The following USHBP1 variants were observed in gnomAD, a reference collection of about 807,000 sequenced individuals.
The protein encoded by USHBP1 is harmonin-binding protein USHBP1.
A neutral mutation model predicts 76.2 loss-of-function variants in USHBP1; 67 were observed. The observed-to-expected ratio is 0.88, with a 90% confidence interval of 0.72 to 1.08. The LOEUF is 1.08. USHBP1 is among the 50% of genes least tolerant of loss of function. The probability of loss-of-function intolerance (pLI) is 0.00; values close to 1 mark genes in which losing one functional copy is unlikely to be tolerated. For missense variants in USHBP1, 931 were observed against 915.0 expected (o/e 1.02, Z -0.23); for synonymous variants, 322 against 362.2 (o/e 0.89, Z 1.26).
Position 17,251,695 on chromosome 19 carries a change from G to C in USHBP1, c.1809C>G (p.Asp603Glu). Residue 603 changes from aspartate (D) to glutamate (E), a missense_variant, in exon 12 of 13, where the codon GAC (aspartate) becomes GAG (glutamate). Transcript: ENST00000252597. ...GCAGAGACTGCAGCTGCTCCTGCAG[G>C]TCCAGTGTCCTGTTGCGAAGGAGAA... is the stretch of plus-strand genomic sequence containing the variant. ...ELAASLTRTL[D>E]LQEQLQSLRR... 1 of 1,613,306 alleles carries C rather than the reference G, an allele frequency of 6.2e-7. No homozygotes were observed. The highest frequency in any genetic ancestry group is 8.5e-7 in the Non-Finnish European group (1 of 1,180,004).
Position 17,254,110 on chromosome 19 carries a change from G to A in USHBP1, c.1692+1275C>T, listed in dbSNP as rs193142342. 8.2e-3 allele frequency among the ~76,000 whole-genome samples: 1,254 copies of A among 152,192 alleles called. 13 individuals are homozygous for A. Among genetic ancestry groups the A allele is most frequent in the African/African-American group, 0.029 (1,194 of 41,522 alleles). Reference sequence around the variant, plus strand: ...TGTAATCCCAGCACTTTGGGAGGCTGAGGCAGGTGGATCACAAGGTCAGGA... The same window carrying A: ...TGTAATCCCAGCACTTTGGGAGGCTAAGGCAGGTGGATCACAAGGTCAGGA... On this transcript the variant is annotated intron_variant, in intron 10 of 12. Coordinates refer to ENST00000252597, the MANE Select transcript of USHBP1 (RefSeq NM_031941.4).
chr19:17,262,922 G>T lies in USHBP1; in HGVS notation c.272C>A (p.Pro91His), dbSNP rs759183963. 24 of 1,561,814 alleles carry T rather than the reference G, an allele frequency of 1.5e-5. No individual in the cohort carries two copies. Among genetic ancestry groups the T allele is most frequent in the Non-Finnish European group, 2.0e-5 (23 of 1,152,514 alleles). Residue 91 changes from proline to histidine, a missense_variant, in exon 4 of 13, where the codon CCT (proline) becomes CAT (histidine). Pro to His is a moderately conservative substitution (Grantham distance 77). Coordinates refer to ENST00000252597, the MANE Select transcript of USHBP1 (RefSeq NM_031941.4). Reference protein sequence around the residue: ...LASAPEVPHKPAVEAHQAPEA... With the variant: ...LASAPEVPHKHAVEAHQAPEA... ...TGGGGCTTGGTGGGCTTCCACTGCAGGTTTGTGGGGCACTTCGGGGGCTGA... is the reference window on the plus strand; with the variant it reads ...TGGGGCTTGGTGGGCTTCCACTGCATGTTTGTGGGGCACTTCGGGGGCTGA...
At chr19:17,254,119 G>C (rs1252179107) in intron 10 of USHBP1, among the ~76,000 whole-genome samples, 20 of 151,928 alleles carry the variant, frequency 1.3e-4, no homozygotes, top group Admixed American at 1.3e-3. Context: ...TGAGGCAGGT[G>C]GATCACAAGG....
intron 4 of USHBP1, among the ~76,000 whole-genome samples, chr19:17,260,584 C>T (rs919960569): frequency 5.3e-5 from 8 of 152,156 alleles, no homozygotes; most frequent in African/African-American, 1.7e-4. Context: ...CCTGACTCAG[C>T]CTCCCAAAGT....
At chr19:17,258,938 A>AG (rs1031546801) in intron 7 of USHBP1, among the ~76,000 whole-genome samples, 2 of 151,240 alleles carry the variant, frequency 1.3e-5, no homozygotes, top group Non-Finnish European at 2.9e-5. Context: ...GAGGCCCAGT[A>AG]GGGGGGATCA....
chr19:17,262,537 G>C lies in USHBP1; in HGVS notation c.642+15C>G, dbSNP rs767792800. 6.9e-6 allele frequency: 11 copies of C among 1,591,574 alleles called. No homozygotes were observed. The highest frequency in any genetic ancestry group is 9.4e-6 in the Non-Finnish European group (11 of 1,167,004). On this transcript the variant is annotated intron_variant, in intron 4 of 12. Coordinates refer to ENST00000252597, the MANE Select transcript of USHBP1 (RefSeq NM_031941.4). Reference sequence around the variant, plus strand: ...AGACAGAGAGCCACATGGGACTCAGGATGGCCCCACTCACCTCTTTCTGCA... The same window carrying C: ...AGACAGAGAGCCACATGGGACTCAGCATGGCCCCACTCACCTCTTTCTGCA...
At chr19:17,257,702 A>G (rs948917427) in intron 8 of USHBP1, among the ~76,000 whole-genome samples, 2 of 150,060 alleles carry the variant, frequency 1.3e-5, no homozygotes, top group African/African-American at 4.9e-5. Context: ...GCTGGAGTGC[A>G]GTGGTGCAAT....
At chr19:17,250,443 A>G in intron 12 of USHBP1, 29 bp from the exon 13 acceptor site, 1 of 1,601,584 alleles carries the variant, frequency 6.2e-7, no homozygotes, top group Non-Finnish European at 8.5e-7. Flanking sequence ...TGGGTCAGGA[A>G]ACAGCCCCCG....
In USHBP1 at chr19:17,250,307, G is replaced by T; in HGVS notation, c.2030C>A (p.Ala677Glu). The T allele has an allele frequency of 6.2e-7, 1 of 1,613,352 alleles. No homozygotes were observed. The highest frequency in any genetic ancestry group is 1.7e-4 in the Middle Eastern group (1 of 6,044). Residue 677 changes from alanine to glutamate, a missense_variant, in exon 13 of 13, where the codon GCG becomes GAG. Transcript: ENST00000252597. ...LMEAQQAEEV[A>E]VLEATARALG... is the part of the protein sequence containing the mutation. Reference sequence around the variant, plus strand: ...GGCCCTTGCAGTGGCTTCGAGCACCGCCACCTCCTCGGCCTGCTGAGCCTC... The same window carrying T: ...GGCCCTTGCAGTGGCTTCGAGCACCTCCACCTCCTCGGCCTGCTGAGCCTC...
intron 8 of USHBP1, among the ~76,000 whole-genome samples, chr19:17,257,821 G>A (rs1340420621): frequency 2.0e-5 from 3 of 151,882 alleles, no homozygotes; most frequent in Non-Finnish European, 4.4e-5. Flanking sequence ...TAATTTGTTT[G>A]TAGTTTTGGT....
chr19:17,255,186 G>A (rs2073602253), intron 10 of USHBP1, among the ~76,000 whole-genome samples, 199 bp downstream of exon 10: 1 of 152,042 alleles, frequency 6.6e-6, no homozygotes, highest in South Asian at 2.1e-4. Context: ...CAGCTACTCA[G>A]GAGGCTGAGA....
At chr19:17,252,166 A>G in intron 10 of USHBP1, 149 bp from the exon 11 acceptor site, 1 of 709,248 alleles carries the variant, frequency 1.4e-6, no homozygotes, top group South Asian at 1.8e-5. Flanking sequence ...GAGCAAAATT[A>G]TACTCTGATA....
intron 10 of USHBP1, among the ~76,000 whole-genome samples, chr19:17,253,330 C>T (rs1230015954): frequency 7.8e-6 from 1 of 128,424 alleles, no homozygotes; most frequent in East Asian, 2.4e-4. Flanking sequence ...GTCTCGTCGC[C>T]CAGGCTGGAG....
Position 17,259,716 on chromosome 19 carries a change from G to C in USHBP1, c.785C>G (p.Ala262Gly), listed in dbSNP as rs745720843. Residue 262 changes from alanine (A) to glycine (G), a missense_variant, in exon 6 of 13, where the codon GCT (alanine) becomes GGT (glycine). Coordinates refer to ENST00000252597, the MANE Select transcript of USHBP1 (RefSeq NM_031941.4). ...GCGGAGGCGCCGAAGCAGGGGGTGA[G>C]CCAGGGAGAAGGAGTCCTGCCAAGA... is the stretch of plus-strand genomic sequence containing the variant. ...PWETQDSFSL[A>G]HPLLRRLRSH... The C allele has an allele frequency of 1.9e-6, 3 of 1,612,308 alleles. 1 individual carries two copies. In the South Asian group the frequency reaches 3.3e-5, roughly 18 times the overall value.
At chr19:17,257,886 C>T (rs1464818236) in intron 8 of USHBP1, among the ~76,000 whole-genome samples, 7 of 151,978 alleles carry the variant, frequency 4.6e-5, no homozygotes, top group South Asian at 2.1e-4. Context: ...TGAGCTCAAA[C>T]GATCTGCCTG....
intron 7 of USHBP1, among the ~76,000 whole-genome samples, chr19:17,258,952 G>A (rs931184112): frequency 7.9e-5 from 12 of 151,920 alleles, no homozygotes; most frequent in African/African-American, 2.9e-4. Flanking sequence ...GGGATCATGA[G>A]GTCAGGAGTT....
At chr19:17,258,731 A>G (rs1400593647) in intron 7 of USHBP1, 8 of 324,812 alleles carry the variant, frequency 2.5e-5, no homozygotes, top group East Asian at 1.9e-4. Flanking sequence ...AAAAAGAAAG[A>G]AAAAAGAAAA....
chr19:17,263,908 T>C (rs1482148080), intron 3 of USHBP1, 94 bp downstream of exon 3: 10 of 1,398,912 alleles, frequency 7.1e-6, no homozygotes, highest in Non-Finnish European at 4.7e-6. Flanking sequence ...GGAGCTATGG[T>C]AGGTGTGTGA....
chr19:17,256,841 TC>T, intron 8 of USHBP1, 121 bp from the exon 9 acceptor site: 1 of 1,411,486 alleles, frequency 7.1e-7, no homozygotes, highest in Non-Finnish European at 9.6e-7. Flanking sequence ...ATCTATGCCA[TC>T]TTTGGTGGTC....
Sources: allele counts gnomAD v4.1 joint callset (sites outside exome capture counted in the v4.1 genomes callset), GRCh38; gene constraint gnomAD v4.1.1; transcripts MANE v1.5; gene names NCBI Gene and HGNC (gene_info 2026-07-23, HGNC 2026-07-21).